The following SPMIP4 variants were observed in gnomAD, a reference collection of about 807,000 sequenced individuals.
SPMIP4 encodes the protein sperm microtubule inner protein 4.
the SPMIP4 span, among the ~76,000 whole-genome samples, chr7:25,137,911 G>C: frequency 6.6e-6 from 1 of 152,064 alleles, no homozygotes; most frequent in Non-Finnish European, 1.5e-5. Context: ...GTGTAAGATT[G>C]GTGTTATTTC....
the SPMIP4 span, among the ~76,000 whole-genome samples, chr7:25,169,136 T>G: frequency 5.9e-5 from 9 of 151,896 alleles, no homozygotes; most frequent in African/African-American, 2.2e-4. Flanking sequence ...ATGCCTGTAA[T>G]CCCAGCACTT....
chr7:25,145,067 A>T, the SPMIP4 span, among the ~76,000 whole-genome samples: 1 of 150,784 alleles, frequency 6.6e-6, no homozygotes, highest in Non-Finnish European at 1.5e-5. Context: ...GGTTCAAGTG[A>T]TTCTCCTGCC....
chr7:25,163,882 T>C, the SPMIP4 span, among the ~76,000 whole-genome samples: 1 of 152,230 alleles, frequency 6.6e-6, no homozygotes, highest in African/African-American at 2.4e-5. The surrounding 1 kb of genome is among the most constrained non-coding windows in gnomAD (Gnocchi z 4.4). Flanking sequence ...AAATGTCTCA[T>C]TCATTGCCAT....
the SPMIP4 span, among the ~76,000 whole-genome samples, chr7:25,150,432 T>C: frequency 6.6e-6 from 1 of 152,214 alleles, no homozygotes; most frequent in African/African-American, 2.4e-5. Context: ...GGGAAATGAC[T>C]TACTTTATAG....
chr7:25,148,285 C>T, the SPMIP4 span, among the ~76,000 whole-genome samples: 1 of 152,212 alleles, frequency 6.6e-6, no homozygotes, highest in East Asian at 1.9e-4. Flanking sequence ...TAAAAAATAT[C>T]CTCCTGAGCC....
At chr7:25,142,641 T>C in the SPMIP4 span, 1 of 1,605,766 alleles carries the variant, frequency 6.2e-7, no homozygotes, top group Admixed American at 1.7e-5. Flanking sequence ...AACTCATACC[T>C]GTAAAATCAT....
chr7:25,168,971 C>A, the SPMIP4 span, among the ~76,000 whole-genome samples: 1 of 151,616 alleles, frequency 6.6e-6, no homozygotes, highest in South Asian at 2.1e-4. Context: ...AGGTGATCCA[C>A]CCGCCTCGGC....
the SPMIP4 span, among the ~76,000 whole-genome samples, chr7:25,126,495 C>T: frequency 6.6e-6 from 1 of 152,034 alleles, no homozygotes; most frequent in Non-Finnish European, 1.5e-5. Context: ...ATTTTATAAC[C>T]CATTGTTTTA....
chr7:25,138,271 TAATA>T, the SPMIP4 span, among the ~76,000 whole-genome samples: 3 of 152,250 alleles, frequency 2.0e-5, no homozygotes, highest in Non-Finnish European at 4.4e-5. This position sits in a 1 kb window ranked among gnomAD's most constrained non-coding sequence, Gnocchi z 6.2. Flanking sequence ...GGCCAAGTAG[TAATA>T]AGCTCATAAT....
chr7:25,146,713 G>T, the SPMIP4 span, among the ~76,000 whole-genome samples: 1 of 152,020 alleles, frequency 6.6e-6, no homozygotes, highest in Non-Finnish European at 1.5e-5. Flanking sequence ...CAAATATTTA[G>T]GTTTGCAGAA....
At chr7:25,148,092 G>A in the SPMIP4 span, among the ~76,000 whole-genome samples, 1 of 152,156 alleles carries the variant, frequency 6.6e-6, no homozygotes, top group Non-Finnish European at 1.5e-5. Flanking sequence ...AGCAGAAGGA[G>A]GGAGAAGACT....
chr7:25,168,379 A>G, the SPMIP4 span: 1 of 1,613,400 alleles, frequency 6.2e-7, no homozygotes, highest in Non-Finnish European at 8.5e-7. Flanking sequence ...GTCCTCGGGG[A>G]GTGAAATCGG....
the SPMIP4 span, among the ~76,000 whole-genome samples, chr7:25,176,549 A>G: frequency 6.6e-6 from 1 of 152,234 alleles, no homozygotes; most frequent in Non-Finnish European, 1.5e-5. The surrounding 1 kb of genome is among the most constrained non-coding windows in gnomAD (Gnocchi z 4.4). Flanking sequence ...TTCCTCCAAT[A>G]CAAGAATATT....
At chr7:25,155,270 T>G in the SPMIP4 span, 2 of 1,315,052 alleles carry the variant, frequency 1.5e-6, no homozygotes, top group South Asian at 3.3e-5. Context: ...CATCAAAAAT[T>G]TATTGGGACC....
the SPMIP4 span, chr7:25,136,324 T>G: frequency 1.3e-4 from 213 of 1,614,094 alleles, no homozygotes; most frequent in Non-Finnish European, 1.7e-4. The surrounding 1 kb of genome is among the most constrained non-coding windows in gnomAD (Gnocchi z 5.7). Context: ...CATATTATAC[T>G]GATCACGTAG....
At chr7:25,172,682 T>C in the SPMIP4 span, among the ~76,000 whole-genome samples, 2 of 152,186 alleles carry the variant, frequency 1.3e-5, no homozygotes, top group East Asian at 3.9e-4. The surrounding 1 kb of genome is among the most constrained non-coding windows in gnomAD (Gnocchi z 4.2). Flanking sequence ...GCTATCCCTA[T>C]CCTTGTCCTG....
chr7:25,171,136 T>C, the SPMIP4 span, among the ~76,000 whole-genome samples: 1 of 152,230 alleles, frequency 6.6e-6, no homozygotes, highest in African/African-American at 2.4e-5. Context: ...AAGTTAATCA[T>C]GTCTCCAAGT....
At chr7:25,127,204 T>C in the SPMIP4 span, among the ~76,000 whole-genome samples, 5 of 152,186 alleles carry the variant, frequency 3.3e-5, no homozygotes, top group African/African-American at 4.8e-5. Flanking sequence ...ATAACCTTCT[T>C]GTACTTGAAT....
the SPMIP4 span, among the ~76,000 whole-genome samples, chr7:25,170,668 AC>A: frequency 6.6e-6 from 1 of 152,208 alleles, no homozygotes; most frequent in Non-Finnish European, 1.5e-5. Flanking sequence ...TTTAGCCCTT[AC>A]GCTTAGGTCT....
Sources: gnomAD v4.1 joint callset for allele counts (sites outside exome capture counted in the v4.1 genomes callset) on GRCh38, gnomAD v4.1.1 for gene constraint, Gnocchi (gnomAD v3.1) non-coding constraint, MANE v1.5 for transcripts, NCBI Gene and HGNC (gene_info 2026-07-23, HGNC 2026-07-21) for gene names.